The following MOB4 variants were observed in gnomAD, a reference collection of about 807,000 sequenced individuals.
MOB4 encodes MOB-like protein phocein.
Under a neutral mutation model 32.2 loss-of-function variants are expected in MOB4, and 4 were observed. The observed-to-expected ratio is 0.12, with a 90% confidence interval of 0.06 to 0.28. MOB4 has a LOEUF of 0.28. Ranked by LOEUF, MOB4 falls within the 10% of genes least tolerant of loss-of-function variation. MOB4 has a pLI of 1.00. For synonymous variants in MOB4, 88 were observed against 88.1 expected (o/e 1.00, Z 0.01); for missense variants, 158 against 271.2 (o/e 0.58, Z 2.93).
chr2:197,543,892 A>G (rs1357231905), intron 5 of MOB4, among the ~76,000 whole-genome samples: 5 of 151,800 alleles, frequency 3.3e-5, no homozygotes, highest in Admixed American at 1.3e-4. Flanking sequence ...GGCATGTGCC[A>G]CCTCGCCTGA....
Position 197,544,134 on chromosome 2 carries a change from A to G in MOB4, c.354+3697A>G, listed in dbSNP as rs557700812. ...GTTGCCCAGGCTGGAGTGCAGTGGC[A>G]CAATCTTGCCTCACTGTAGCCCCCA... On this transcript the variant is annotated intron_variant, in intron 5 of 7. Transcript: ENST00000323303. Among the ~76,000 whole-genome samples the G allele has an allele frequency of 2.8e-3, 426 of 152,024 alleles. 3 individuals are homozygous for G. Among genetic ancestry groups the G allele is most frequent in the South Asian group, 8.3e-3 (40 of 4,828 alleles).
chr2:197,537,344 A>C (rs936207307), intron 3 of MOB4, among the ~76,000 whole-genome samples: 2 of 152,234 alleles, frequency 1.3e-5, no homozygotes, highest in African/African-American at 4.8e-5. Context: ...ATTAATAAAT[A>C]TAGAGAATGC....
chr2:197,539,890 G>C (rs1441453862), intron 3 of MOB4, among the ~76,000 whole-genome samples: 1 of 152,132 alleles, frequency 6.6e-6, no homozygotes, highest in Non-Finnish European at 1.5e-5. Context: ...AGAATGATCA[G>C]CTCACTTAAC....
chr2:197,523,828 G>C (rs548880938), intron 2 of MOB4, 142 bp downstream of exon 2: 9 of 692,250 alleles, frequency 1.3e-5, no homozygotes, highest in African/African-American at 3.7e-5. Context: ...AAACAAAATA[G>C]TTCCTTTTAC....
intron 3 of MOB4, among the ~76,000 whole-genome samples, chr2:197,536,030 C>G (rs2086792619): frequency 6.6e-6 from 1 of 151,644 alleles, no homozygotes; most frequent in Non-Finnish European, 1.5e-5. Context: ...TCCAGAGTAG[C>G]TGGGACTACA....
At chr2:197,536,670 C>T (rs1371526328) in intron 3 of MOB4, among the ~76,000 whole-genome samples, 7 of 139,500 alleles carry the variant, frequency 5.0e-5, no homozygotes, top group Non-Finnish European at 1.1e-4. Flanking sequence ...GGTGTGATCC[C>T]GGCTCACCAC....
At chr2:197,518,741 T>A (rs1298250274) in intron 1 of MOB4, among the ~76,000 whole-genome samples, 1 of 151,596 alleles carries the variant, frequency 6.6e-6, no homozygotes, top group African/African-American at 2.4e-5. Flanking sequence ...TTTATTTTTA[T>A]TTTTATTTTT....
At chr2:197,537,971 G>A (rs2086831466) in intron 3 of MOB4, among the ~76,000 whole-genome samples, 1 of 152,004 alleles carries the variant, frequency 6.6e-6, no homozygotes, top group Admixed American at 6.6e-5. Flanking sequence ...GTAGAGATGG[G>A]GTTTCACCAT....
At chr2:197,543,114 A>C (rs1489438245) in intron 5 of MOB4, among the ~76,000 whole-genome samples, 1 of 152,194 alleles carries the variant, frequency 6.6e-6, no homozygotes, top group Non-Finnish European at 1.5e-5. Context: ...CAACATGGTG[A>C]AACCCCATCT....
Position 197,550,497 on chromosome 2 carries a change from T to A in MOB4, c.547-18T>A. ...GGGATAGTGAATTAAAATAACATTT[T>A]TGTCTTCCTCTCTACAGAATGAAAC... On this transcript the variant is annotated intron_variant, in intron 7 of 7. Coordinates refer to ENST00000323303, the MANE Select transcript of MOB4 (RefSeq NM_015387.5). The A allele has an allele frequency of 6.3e-6, 10 of 1,582,230 alleles. No individual in the cohort carries two copies. The highest frequency in any genetic ancestry group is 8.6e-6 in the Non-Finnish European group (10 of 1,166,842).
intron 5 of MOB4, among the ~76,000 whole-genome samples, chr2:197,546,312 C>T (rs929913917): frequency 6.6e-6 from 1 of 152,220 alleles, no homozygotes; most frequent in South Asian, 2.1e-4. Context: ...CCACCTGCCT[C>T]GGCCTCCCAA....
chr2:197,523,349 A>G (rs1026563480), intron 1 of MOB4, among the ~76,000 whole-genome samples: 1 of 152,216 alleles, frequency 6.6e-6, no homozygotes, highest in Non-Finnish European at 1.5e-5. Flanking sequence ...TAGGGTGGCT[A>G]AGGTGAGAGG....
rs776707743 is a variant in MOB4, at chr2:197,516,143, G to A, written c.57G>A (p.Ala19=). 19 of 1,602,408 alleles carry A rather than the reference G, an allele frequency of 1.2e-5. No homozygotes were observed. The highest frequency in any genetic ancestry group is 1.5e-5 in the Non-Finnish European group (18 of 1,175,652). Residue 19 remains alanine (A), a synonymous_variant, in exon 1 of 8, where the codon GCG becomes GCA. Coordinates refer to ENST00000323303, the MANE Select transcript of MOB4 (RefSeq NM_015387.5). The stretch of plus-strand genomic sequence containing the variant: ...GGCGGAACAGGCCGGGCACCAAGGC[G>A]CAGGTACCATGTCTGCACTTTTCTT... The part of the protein sequence containing the change: ...VLRRNRPGTK[A]QDFYNWPDES...
At chr2:197,524,530 C>CAAAAAA (rs58552334) in intron 2 of MOB4, among the ~76,000 whole-genome samples, 12 of 108,842 alleles carry the variant, frequency 1.1e-4, no homozygotes, top group South Asian at 2.9e-4. Context: ...GACTCTGTCT[C>CAAAAAA]AAAAAAAAAA....
At chr2:197,518,819 G>A (rs112113708) in intron 1 of MOB4, among the ~76,000 whole-genome samples, 30 of 152,068 alleles carry the variant, frequency 2.0e-4, no homozygotes, top group African/African-American at 7.2e-4. Context: ...GCAGTGGCAC[G>A]ATCTTGGCTC....
At chr2:197,527,103 T>A (rs1036827277) in intron 2 of MOB4, among the ~76,000 whole-genome samples, 1 of 152,156 alleles carries the variant, frequency 6.6e-6, no homozygotes, top group African/African-American at 2.4e-5. Context: ...TTTCAAGATT[T>A]TTTTTGTTTA....
At chr2:197,521,017 T>C (rs1331582771) in intron 1 of MOB4, among the ~76,000 whole-genome samples, 1 of 152,110 alleles carries the variant, frequency 6.6e-6, no homozygotes, top group Admixed American at 6.6e-5. Context: ...GTGTATATAT[T>C]TGTAGGTTAC....
Position 197,540,101 on chromosome 2 carries a change from G to A in MOB4, c.225-10G>A, listed in dbSNP as rs2086871874. ...GATATGACTTTTTATTTATGTATTT[G>A]CATTTTCAGGCAGTTCTGCCTTGAG... On this transcript the variant is annotated splice_polypyrimidine_tract_variant and intron_variant, in intron 3 of 7. Coordinates refer to ENST00000323303, the MANE Select transcript of MOB4 (RefSeq NM_015387.5). 1 of 1,590,488 alleles carries A rather than the reference G, an allele frequency of 6.3e-7. No homozygotes were observed. Among genetic ancestry groups the A allele is most frequent in the African/African-American group, 1.3e-5 (1 of 74,286 alleles).
chr2:197,536,758 C>T (rs937004253), intron 3 of MOB4, among the ~76,000 whole-genome samples: 3 of 151,472 alleles, frequency 2.0e-5, no homozygotes, highest in South Asian at 2.1e-4. Flanking sequence ...CAGCCATGCC[C>T]AGCTAATTTT....
Sources: allele counts gnomAD v4.1 joint callset (sites outside exome capture counted in the v4.1 genomes callset), GRCh38; gene constraint gnomAD v4.1.1; transcripts MANE v1.5; gene names NCBI Gene and HGNC (gene_info 2026-07-23, HGNC 2026-07-21).